The following KIF26B variants were observed in gnomAD, a reference collection of about 807,000 sequenced individuals.
KIF26B encodes kinesin-like protein KIF26B.
A neutral mutation model predicts 151.2 loss-of-function variants in KIF26B; 63 were observed. The ratio of observed to expected loss-of-function variants is 0.42; its 90% confidence interval spans 0.34 to 0.51. KIF26B has a LOEUF of 0.51. Ranked by LOEUF, KIF26B falls within the 20% of genes least tolerant of loss-of-function variation. KIF26B has a pLI of 0.07. For missense variants in KIF26B, 2,813 were observed against 2,913.6 expected (o/e 0.97, Z 0.79); for synonymous variants, 1,357 against 1,262.1 (o/e 1.08, Z -1.59).
At chr1:245,384,130 G>A (rs561013586) in intron 3 of KIF26B, among the ~76,000 whole-genome samples, 1 of 152,168 alleles carries the variant, frequency 6.6e-6, no homozygotes, top group Non-Finnish European at 1.5e-5. Flanking sequence ...ATGCCTTTGA[G>A]CAGCTACCAC....
At chr1:245,630,161 G>A (rs774906327) in intron 9 of KIF26B, among the ~76,000 whole-genome samples, 3 of 150,608 alleles carry the variant, frequency 2.0e-5, no homozygotes, top group South Asian at 4.3e-4. Flanking sequence ...AACTTCTGTG[G>A]AAGACAGTGT....
At chr1:245,614,229 C>G (rs941896270) in intron 9 of KIF26B, among the ~76,000 whole-genome samples, 1 of 152,164 alleles carries the variant, frequency 6.6e-6, no homozygotes, top group Non-Finnish European at 1.5e-5. Flanking sequence ...GGCTGGAGTA[C>G]AGTGGCGTGA....
At chr1:245,228,897 C>G (rs974516069) in intron 2 of KIF26B, among the ~76,000 whole-genome samples, 9 of 152,094 alleles carry the variant, frequency 5.9e-5, no homozygotes, top group Non-Finnish European at 1.3e-4. Flanking sequence ...TAATCGTAGC[C>G]TGATGGCTTT....
At chr1:245,191,383 G>A (rs1558339792) in intron 2 of KIF26B, among the ~76,000 whole-genome samples, 1 of 152,076 alleles carries the variant, frequency 6.6e-6, no homozygotes, top group Non-Finnish European at 1.5e-5. Flanking sequence ...GCTGAGGCAG[G>A]AGAATCATTT....
chr1:245,294,890 T>G (rs1671312492), intron 2 of KIF26B, among the ~76,000 whole-genome samples: 1 of 152,174 alleles, frequency 6.6e-6, no homozygotes, highest in African/African-American at 2.4e-5. Flanking sequence ...CTCGAACTCC[T>G]GATCTCAAGT....
intron 3 of KIF26B, among the ~76,000 whole-genome samples, chr1:245,415,282 AT>A (rs1441396786): frequency 2.0e-5 from 3 of 152,152 alleles, no homozygotes; most frequent in African/African-American, 7.2e-5. Flanking sequence ...AAGAATTTGG[AT>A]TGGAGTGCTT....
chr1:245,308,065 T>G (rs1034787484), intron 2 of KIF26B, among the ~76,000 whole-genome samples: 5 of 152,270 alleles, frequency 3.3e-5, no homozygotes, highest in Middle Eastern at 6.8e-3. Flanking sequence ...TTTCTATTAC[T>G]CTGAAATAAT....
At chr1:245,385,728 C>T (rs888050994) in intron 3 of KIF26B, among the ~76,000 whole-genome samples, 5 of 152,152 alleles carry the variant, frequency 3.3e-5, no homozygotes, top group African/African-American at 7.2e-5. Flanking sequence ...GGTAGTTAGG[C>T]GACGTGAAGC....
Position 245,706,408 on chromosome 1 carries a change from C to T in KIF26B, c.*3802C>T, listed in dbSNP as rs954407089. 2.0e-5 allele frequency: 3 copies of T among 152,120 alleles called. No homozygotes were observed. Among genetic ancestry groups the T allele is most frequent in the Admixed American group, 1.3e-4 (2 of 15,274 alleles). The allele number at this position is 152,120 out of a possible 1,614,324, so 9.4% of individuals were successfully genotyped here. On this transcript the variant is annotated 3_prime_UTR_variant, in exon 15 of 15. Transcript: ENST00000407071. The stretch of plus-strand genomic sequence containing the variant: ...CAGATTTGTTCAATGCAAACACAGC[C>T]GTCTATATCATTGGCCACTGCTGAT...
intron 4 of KIF26B, among the ~76,000 whole-genome samples, chr1:245,491,569 G>A (rs1325725552): frequency 6.6e-6 from 1 of 152,182 alleles, no homozygotes; most frequent in Non-Finnish European, 1.5e-5. Context: ...GCTCCTTATG[G>A]AGGAGAGAAA....
intron 2 of KIF26B, among the ~76,000 whole-genome samples, chr1:245,325,374 C>T (rs1671969626): frequency 6.6e-6 from 1 of 152,162 alleles, no homozygotes; most frequent in African/African-American, 2.4e-5. Context: ...AACCTTATTC[C>T]ACTGCATGCC....
chr1:245,660,050 G>GA (rs201383557), intron 10 of KIF26B, among the ~76,000 whole-genome samples: 20 of 150,720 alleles, frequency 1.3e-4, no homozygotes, highest in Non-Finnish European at 2.4e-4. Context: ...CTCCATCTCA[G>GA]AAAAAAAAAG....
intron 10 of KIF26B, among the ~76,000 whole-genome samples, chr1:245,653,655 G>A (rs187057943): frequency 1.7e-4 from 26 of 152,236 alleles, no homozygotes; most frequent in African/African-American, 4.3e-4. Context: ...ACCCCCCACC[G>A]AGTACAGTTT....
At chr1:245,681,365 A>G (rs948865905) in intron 10 of KIF26B, among the ~76,000 whole-genome samples, 3 of 152,020 alleles carry the variant, frequency 2.0e-5, no homozygotes, top group African/African-American at 4.8e-5. Flanking sequence ...GCCCGCCACC[A>G]CGCCCAGCTA....
chr1:245,416,117 A>C (rs1368568356), intron 3 of KIF26B, among the ~76,000 whole-genome samples: 1 of 150,966 alleles, frequency 6.6e-6, no homozygotes, highest in Non-Finnish European at 1.5e-5. Flanking sequence ...AAATACAAAA[A>C]AAAAAAAAAA....
At chr1:245,670,766 A>C (rs1275125662) in intron 10 of KIF26B, among the ~76,000 whole-genome samples, 4 of 152,184 alleles carry the variant, frequency 2.6e-5, no homozygotes, top group Non-Finnish European at 5.9e-5. Flanking sequence ...GATCCATGAG[A>C]TGTTGGGATA....
chr1:245,189,388 C>T (rs528905635), intron 2 of KIF26B, among the ~76,000 whole-genome samples: 2 of 152,258 alleles, frequency 1.3e-5, no homozygotes, highest in East Asian at 1.9e-4. Context: ...TTTCCTAGGC[C>T]AAACACACCT....
At chr1:245,337,447 G>A (rs1186401582) in intron 2 of KIF26B, among the ~76,000 whole-genome samples, 6 of 151,960 alleles carry the variant, frequency 3.9e-5, no homozygotes, top group Non-Finnish European at 8.8e-5. Flanking sequence ...CTCCCAAAGT[G>A]CTGGGATTAC....
chr1:245,340,120 C>T (rs894724745), intron 2 of KIF26B, among the ~76,000 whole-genome samples: 1 of 152,202 alleles, frequency 6.6e-6, no homozygotes, highest in Non-Finnish European at 1.5e-5. Context: ...GCTAGAGTCT[C>T]ATTGGAGGGT....
Sources: gnomAD v4.1 joint callset for allele counts (sites outside exome capture counted in the v4.1 genomes callset) on GRCh38, gnomAD v4.1.1 for gene constraint, MANE v1.5 for transcripts, NCBI Gene and HGNC (gene_info 2026-07-23, HGNC 2026-07-21) for gene names.